The following GALNTL6 variants were observed in gnomAD, a reference collection of about 807,000 sequenced individuals.
GALNTL6 encodes the protein polypeptide N-acetylgalactosaminyltransferase like 6.
In GALNTL6, 46 loss-of-function variants were observed where a neutral mutation model predicts 73.7. The observed-to-expected ratio is 0.62, with a 90% confidence interval of 0.49 to 0.80. GALNTL6 has a LOEUF of 0.80. GALNTL6 is among the 30% of genes least tolerant of loss of function. GALNTL6 has a pLI of 0.00. For missense variants in GALNTL6, 604 were observed against 755.0 expected (o/e 0.80, Z 2.34); for synonymous variants, 259 against 263.7 (o/e 0.98, Z 0.17).
chr4:172,168,478 G>A (rs923577805), intron 2 of GALNTL6, among the ~76,000 whole-genome samples: 19 of 152,122 alleles, frequency 1.2e-4, no homozygotes, highest in African/African-American at 2.4e-4. Context: ...TATCCAGTGC[G>A]GATGATGATG....
intron 5 of GALNTL6, among the ~76,000 whole-genome samples, chr4:172,749,935 T>C (rs1025931095): frequency 2.0e-5 from 3 of 152,320 alleles, no homozygotes; most frequent in Non-Finnish European, 2.9e-5. Context: ...AACTATATCC[T>C]TAAATAGTTA....
At chr4:171,949,700 GA>G (rs1217880193) in intron 2 of GALNTL6, among the ~76,000 whole-genome samples, 2 of 151,882 alleles carry the variant, frequency 1.3e-5, no homozygotes, top group African/African-American at 2.4e-5. Context: ...TGACAGCAGA[GA>G]AAAAATATAA....
At chr4:171,833,326 C>G (rs897080155) in intron 2 of GALNTL6, among the ~76,000 whole-genome samples, 14 of 151,484 alleles carry the variant, frequency 9.2e-5, no homozygotes, top group South Asian at 8.3e-4. Flanking sequence ...TGAATGCATT[C>G]TTGGTTTTTA....
chr4:172,773,935 T>C (rs1464858757), intron 5 of GALNTL6, among the ~76,000 whole-genome samples: 3 of 151,932 alleles, frequency 2.0e-5, no homozygotes, highest in African/African-American at 7.3e-5. Flanking sequence ...TACAAGTAAG[T>C]GTCTAAATAC....
intron 7 of GALNTL6, among the ~76,000 whole-genome samples, chr4:172,858,841 A>G (rs1259369346): frequency 6.6e-6 from 1 of 152,208 alleles, no homozygotes; most frequent in Non-Finnish European, 1.5e-5. Context: ...TGCAGTAGAT[A>G]ATGCAGGGAA....
chr4:171,874,443 G>A (rs1040011987), intron 2 of GALNTL6, among the ~76,000 whole-genome samples: 1 of 152,034 alleles, frequency 6.6e-6, no homozygotes, highest in African/African-American at 2.4e-5. Context: ...GTCCATCTCG[G>A]CCTCCTAAAA....
chr4:172,558,780 A>G (rs1736235270), intron 5 of GALNTL6, among the ~76,000 whole-genome samples: 1 of 152,230 alleles, frequency 6.6e-6, no homozygotes, highest in South Asian at 2.1e-4. Flanking sequence ...CAACATTAAA[A>G]AAATAGAAAA....
chr4:172,643,357 T>C (rs1740078676), intron 5 of GALNTL6, among the ~76,000 whole-genome samples: 1 of 151,986 alleles, frequency 6.6e-6, no homozygotes, highest in Non-Finnish European at 1.5e-5. Context: ...TAACAGAATT[T>C]AAATTGAATG....
chr4:172,936,215 C>T (rs1344408919), intron 9 of GALNTL6, among the ~76,000 whole-genome samples: 2 of 152,246 alleles, frequency 1.3e-5, no homozygotes, highest in Non-Finnish European at 1.5e-5. Flanking sequence ...AAAAGGCCTT[C>T]GACAAAATTC....
chr4:172,902,050 G>A (rs1746656018), intron 8 of GALNTL6, among the ~76,000 whole-genome samples: 1 of 152,120 alleles, frequency 6.6e-6, no homozygotes, highest in Admixed American at 6.6e-5. Context: ...AGCTTTTATT[G>A]AGCATCTAAT....
intron 5 of GALNTL6, among the ~76,000 whole-genome samples, chr4:172,610,630 T>A (rs72986694): frequency 6.6e-6 from 1 of 151,948 alleles, no homozygotes; most frequent in Non-Finnish European, 1.5e-5. Context: ...TTTTAGATTA[T>A]GTATATGCAG....
intron 5 of GALNTL6, among the ~76,000 whole-genome samples, chr4:172,407,425 T>C (rs190054012): frequency 6.6e-6 from 1 of 152,246 alleles, no homozygotes; most frequent in East Asian, 1.9e-4. Flanking sequence ...TGGCAGATTC[T>C]GTGGCAACAA....
intron 5 of GALNTL6, among the ~76,000 whole-genome samples, chr4:172,763,956 G>GT (rs1279155164): frequency 2.3e-5 from 2 of 85,448 alleles, no homozygotes; most frequent in African/African-American, 8.9e-5. Flanking sequence ...CAAACAAGGT[G>GT]TATTTTTTTT....
chr4:171,972,767 G>A (rs1335236904), intron 2 of GALNTL6, among the ~76,000 whole-genome samples: 1 of 152,064 alleles, frequency 6.6e-6, no homozygotes, highest in African/African-American at 2.4e-5. Context: ...GGATATTCCT[G>A]TAAACTATTC....
At chr4:172,951,577 A>T (rs1342485434) in intron 9 of GALNTL6, among the ~76,000 whole-genome samples, 1 of 152,288 alleles carries the variant, frequency 6.6e-6, no homozygotes, top group Non-Finnish European at 1.5e-5. Flanking sequence ...ATCTCTCTAA[A>T]GTTGGGGGAA....
intron 5 of GALNTL6, among the ~76,000 whole-genome samples, chr4:172,767,364 G>T (rs975127581): frequency 2.0e-5 from 3 of 152,184 alleles, no homozygotes; most frequent in African/African-American, 7.2e-5. Flanking sequence ...AGTGTAAAAT[G>T]CAAGCCTTGA....
At chr4:172,102,692 T>C (rs1481123906) in intron 2 of GALNTL6, among the ~76,000 whole-genome samples, 1 of 152,168 alleles carries the variant, frequency 6.6e-6, no homozygotes, top group East Asian at 1.9e-4. Flanking sequence ...ACCTTAATAA[T>C]TGTTTACTGC....
intron 5 of GALNTL6, among the ~76,000 whole-genome samples, chr4:172,557,951 A>T (rs543986198): frequency 1.3e-5 from 2 of 152,194 alleles, no homozygotes; most frequent in Non-Finnish European, 2.9e-5. Flanking sequence ...AGGAATAGTT[A>T]TAGAAGCTTA....
At chr4:172,680,919 C>T (rs1732600898) in intron 5 of GALNTL6, among the ~76,000 whole-genome samples, 1 of 152,188 alleles carries the variant, frequency 6.6e-6, no homozygotes, top group African/African-American at 2.4e-5. Flanking sequence ...GAATTATAAT[C>T]AGCAGTGGCT....
Sources: allele counts gnomAD v4.1 joint callset (sites outside exome capture counted in the v4.1 genomes callset), GRCh38; gene constraint gnomAD v4.1.1; transcripts MANE v1.5; gene names NCBI Gene and HGNC (gene_info 2026-07-23, HGNC 2026-07-21).